QRSL1: variants seen among roughly 807,000 people sequenced by gnomAD.
The protein encoded by QRSL1 is glutamyl-tRNA(Gln) amidotransferase subunit A, mitochondrial.
Under a neutral mutation model 61.6 loss-of-function variants are expected in QRSL1, and 54 were observed. That is an observed-to-expected ratio of 0.88 (90% CI 0.70 to 1.10). The LOEUF (loss-of-function observed/expected upper bound fraction) is 1.10, where lower values mean the gene tolerates loss of function less well. QRSL1 is among the 50% of genes least tolerant of loss of function. QRSL1 has a pLI of 0.00. For missense variants in QRSL1, 505 were observed against 622.6 expected (o/e 0.81, Z 2.01); for synonymous variants, 228 against 225.7 (o/e 1.01, Z -0.09).
At chr6:106,633,225 C>T (rs1446804855) in intron 1 of QRSL1, among the ~76,000 whole-genome samples, 1 of 152,200 alleles carries the variant, frequency 6.6e-6, no homozygotes, top group Non-Finnish European at 1.5e-5. Flanking sequence ...TTCCCCAGCT[C>T]TAAAACTACC....
In QRSL1 at chr6:106,649,218, T is replaced by C. The variant is rs181491171; in HGVS notation, c.557+17T>C. 2.5e-6 allele frequency: 4 copies of C among 1,607,900 alleles called. No homozygotes were observed. In the East Asian group the frequency reaches 8.9e-5, roughly 36 times the overall value. On this transcript the variant is annotated intron_variant, in intron 5 of 10. Coordinates refer to ENST00000369046, the MANE Select transcript of QRSL1 (RefSeq NM_018292.5). ...ATGCTACGCGTAAGATGCTTTTCTCTATCTGTATTTTAAAACCCACCCAAA... is the reference window on the plus strand; with the variant it reads ...ATGCTACGCGTAAGATGCTTTTCTCCATCTGTATTTTAAAACCCACCCAAA...
At chr6:106,640,223 A>T in intron 1 of QRSL1, 126 bp from the exon 2 acceptor site, 1 of 807,290 alleles carries the variant, frequency 1.2e-6, no homozygotes, top group Non-Finnish European at 2.0e-6. Context: ...GGTTCTCTTG[A>T]TTTTGAACCC....
intron 4 of QRSL1, among the ~76,000 whole-genome samples, chr6:106,646,544 T>C (rs1206986659): frequency 6.6e-6 from 1 of 152,118 alleles, no homozygotes; most frequent in Admixed American, 6.5e-5. Flanking sequence ...ATGCCTGTTA[T>C]CTCAGCACTG....
chr6:106,630,286 A>T (rs1317303051), intron 1 of QRSL1, among the ~76,000 whole-genome samples: 2 of 152,180 alleles, frequency 1.3e-5, no homozygotes, highest in African/African-American at 4.8e-5. Context: ...CCTCAAATTC[A>T]CTTTAATCGG....
chr6:106,637,752 G>A lies in QRSL1; in HGVS notation c.25-2597G>A, dbSNP rs181861092. Among the ~76,000 whole-genome samples, 406 of 152,236 alleles carry A rather than the reference G, an allele frequency of 2.7e-3. 2 individuals are homozygous for A. The highest frequency in any genetic ancestry group is 3.7e-3 in the Non-Finnish European group (254 of 68,010). On this transcript the variant is annotated intron_variant, in intron 1 of 10. Transcript: ENST00000369046. Reference sequence around the variant, plus strand: ...TAACGAAAACTTAAAAGTTAACTTCGTTTTATATTCAGATTTGACACCTGC... The same window carrying A: ...TAACGAAAACTTAAAAGTTAACTTCATTTTATATTCAGATTTGACACCTGC...
rs1199325825 is a variant in QRSL1 at position 106,649,779 on chromosome 6, G to C, written c.557+578G>C. 3.9e-5 allele frequency among the ~76,000 whole-genome samples: 6 copies of C among 152,154 alleles called. No homozygotes were observed. The East Asian group carries it at 7.7e-4, about 20-fold the overall frequency. On this transcript the variant is annotated intron_variant, in intron 5 of 10. Transcript: ENST00000369046. ...TGTTTATCTATCATACTTTGTATTT[G>C]GTAAGAATCCATTGATCATATTTTC...
At chr6:106,663,284 A>G in intron 10 of QRSL1, 99 bp downstream of exon 10, 4 of 1,145,846 alleles carry the variant, frequency 3.5e-6, no homozygotes, top group Non-Finnish European at 3.8e-6. Context: ...CCGAAAAGCA[A>G]AAGTCTATCC....
chr6:106,642,958 C>G, intron 3 of QRSL1, 36 bp from the exon 4 acceptor site: 1 of 1,393,432 alleles, frequency 7.2e-7, no homozygotes, highest in Non-Finnish European at 1.0e-6. Flanking sequence ...GACTTCTGGA[C>G]TGTAAAAAAA....
At chr6:106,647,000 C>G (rs555687593) in intron 4 of QRSL1, among the ~76,000 whole-genome samples, 52 of 136,002 alleles carry the variant, frequency 3.8e-4, no homozygotes, top group African/African-American at 1.2e-3. Context: ...TGCACTCCAG[C>G]CTGGGTGACA....
chr6:106,652,071 A>T, intron 5 of QRSL1, 138 bp from the exon 6 acceptor site: 2 of 851,630 alleles, frequency 2.3e-6, no homozygotes, highest in African/African-American at 1.7e-5. Flanking sequence ...GTACTTTATG[A>T]ATTCTCTGAG....
intron 7 of QRSL1, chr6:106,653,610 A>AT (rs1259425297): frequency 6.6e-6 from 1 of 152,114 alleles, no homozygotes; most frequent in Non-Finnish European, 1.5e-5. Context: ...ATCGCTTGAG[A>AT]TCAGGAGTTT....
intron 10 of QRSL1, 99 bp from the exon 11 acceptor site, chr6:106,665,683 C>G: frequency 9.8e-7 from 1 of 1,025,548 alleles, no homozygotes; most frequent in Non-Finnish European, 1.5e-6. Flanking sequence ...TTTTTTAAAC[C>G]TTATCCTGTA....
chr6:106,656,640 C>T (rs945325042), intron 9 of QRSL1, among the ~76,000 whole-genome samples: 1 of 152,214 alleles, frequency 6.6e-6, no homozygotes, highest in East Asian at 1.9e-4. Context: ...TGCGTATCCT[C>T]TCAGGGCCGA....
chr6:106,635,427 G>T (rs1485333445), intron 1 of QRSL1, among the ~76,000 whole-genome samples: 1 of 152,170 alleles, frequency 6.6e-6, no homozygotes, highest in Non-Finnish European at 1.5e-5. Flanking sequence ...TGTGGAGCTT[G>T]CTGGTGATCT....
intron 1 of QRSL1, among the ~76,000 whole-genome samples, chr6:106,634,245 T>C (rs1252690646): frequency 6.6e-6 from 1 of 152,098 alleles, no homozygotes; most frequent in Non-Finnish European, 1.5e-5. Context: ...CCAATATGCC[T>C]GGAGAGAAGT....
At chr6:106,652,897 A>G in intron 7 of QRSL1, 2 of 720,956 alleles carry the variant, frequency 2.8e-6, no homozygotes, top group Non-Finnish European at 4.3e-6. Context: ...TAACTGCTTA[A>G]CTGCCATTAT....
intron 5 of QRSL1, among the ~76,000 whole-genome samples, chr6:106,649,427 C>G (rs1047099211): frequency 2.0e-5 from 3 of 152,132 alleles, no homozygotes; most frequent in Admixed American, 2.0e-4. Flanking sequence ...TCCATAGTAT[C>G]TGGTTCTCTT....
intron 9 of QRSL1, among the ~76,000 whole-genome samples, chr6:106,659,067 A>AT (rs1380747598): frequency 1.1e-4 from 17 of 151,532 alleles, no homozygotes; most frequent in Non-Finnish European, 2.4e-4. Context: ...TTTCCAGTAC[A>AT]TTTTTTATAC....
At chr6:106,652,109 A>G in intron 5 of QRSL1, 100 bp from the exon 6 acceptor site, 2 of 1,203,026 alleles carry the variant, frequency 1.7e-6, no homozygotes, top group Non-Finnish European at 1.1e-6. Flanking sequence ...TTGTGTAATC[A>G]GAGGAAAATA....
Sources: allele counts gnomAD v4.1 joint callset (sites outside exome capture counted in the v4.1 genomes callset), GRCh38; gene constraint gnomAD v4.1.1; transcripts MANE v1.5; gene names NCBI Gene and HGNC (gene_info 2026-07-23, HGNC 2026-07-21).